The following CPNE5 variants were observed in gnomAD, a reference collection of about 807,000 sequenced individuals.
CPNE5 encodes the protein copine 5, also known as copine-5.
CPNE5 carries 42 observed loss-of-function variants against 81.1 expected under a neutral mutation model. That is an observed-to-expected ratio of 0.52 (90% confidence interval 0.40 to 0.67). CPNE5 has a LOEUF of 0.67. CPNE5 is among the 30% of genes least tolerant of loss of function. The probability of loss-of-function intolerance (pLI) is 0.00; values close to 1 mark genes in which losing one functional copy is unlikely to be tolerated. For synonymous variants in CPNE5, 313 were observed against 321.5 expected (o/e 0.97, Z 0.28); for missense variants, 612 against 815.5 (o/e 0.75, Z 3.04).
rs375106654 is a variant in CPNE5, at chr6:36,742,354, G to A, written c.1696C>T (p.Arg566Cys). The change falls in exon 21 of 21, where the codon CGT becomes TGT. Residue 566 changes from arginine (R) to cysteine (C), a missense_variant. Arg to Cys is a radical substitution (Grantham distance 180). Coordinates refer to ENST00000244751, the MANE Select transcript of CPNE5 (RefSeq NM_020939.2). ...SYMKAQGIRP[R>C]PPPAAPTHSP... ...TGGGTTGGTGCTGCGGGTGGGGGAC[G>A]CGGGCGAATGCCCTGTGCCTTCATG... 1.5e-5 allele frequency: 25 copies of A among 1,613,072 alleles called. No homozygotes were observed. In the East Asian group the frequency reaches 3.6e-4, roughly 23 times the overall value.
chr6:36,813,671 A>G (rs1197824029), intron 3 of CPNE5, among the ~76,000 whole-genome samples: 1 of 152,130 alleles, frequency 6.6e-6, no homozygotes, highest in African/African-American at 2.4e-5. Context: ...TTAATTGTTC[A>G]CACCACTCAA....
chr6:36,837,270 C>T (rs1412830641), intron 1 of CPNE5, among the ~76,000 whole-genome samples: 3 of 152,260 alleles, frequency 2.0e-5, no homozygotes, highest in Admixed American at 6.5e-5. Context: ...CATGAGCTAC[C>T]TTGGTGAACA....
intron 1 of CPNE5, among the ~76,000 whole-genome samples, 180 bp from the exon 2 acceptor site, chr6:36,823,278 T>C (rs1387485859): frequency 6.6e-6 from 1 of 152,076 alleles, no homozygotes; most frequent in Non-Finnish European, 1.5e-5. Context: ...TGGAGGTTCC[T>C]CAGCCCACCT....
intron 12 of CPNE5, among the ~76,000 whole-genome samples, chr6:36,758,155 A>G (rs1474437993): frequency 6.6e-6 from 1 of 152,216 alleles, no homozygotes; most frequent in African/African-American, 2.4e-5. Context: ...AATGTGCCTC[A>G]GTCTCCTCAT....
chr6:36,798,172 G>A lies in CPNE5; in HGVS notation c.397C>T (p.Pro133Ser). 6.2e-7 allele frequency: 1 copy of A among 1,613,614 alleles called. No individual in the cohort carries two copies. Among genetic ancestry groups the A allele is most frequent in the Non-Finnish European group, 8.5e-7 (1 of 1,179,778 alleles). ...VGSPGSRLEKPLTIGAFSLNS... is the reference protein window; with the variant it reads ...VGSPGSRLEKSLTIGAFSLNS... ...AGCAACCCAGACACTCACGTGAGGG[G>A]CTTTTCCAGGCGGCTCCCAGGGGAC... The change falls in exon 6 of 21, where the codon CCC becomes TCC. Residue 133 changes from proline (P) to serine (S), a missense_variant. Coordinates refer to ENST00000244751, the MANE Select transcript of CPNE5 (RefSeq NM_020939.2).
chr6:36,832,212 A>C (rs1016902621), intron 1 of CPNE5, among the ~76,000 whole-genome samples: 1 of 152,150 alleles, frequency 6.6e-6, no homozygotes, highest in African/African-American at 2.4e-5. Flanking sequence ...CAGAGATGCA[A>C]ATTCTAGGCT....
chr6:36,791,780 G>A (rs1482977821), intron 8 of CPNE5, among the ~76,000 whole-genome samples: 1 of 152,208 alleles, frequency 6.6e-6, no homozygotes, highest in Non-Finnish European at 1.5e-5. Context: ...TGGCATGGGA[G>A]CTAGGGGACG....
At chr6:36,832,385 G>A (rs1487113792) in intron 1 of CPNE5, among the ~76,000 whole-genome samples, 1 of 152,188 alleles carries the variant, frequency 6.6e-6, no homozygotes, top group Non-Finnish European at 1.5e-5. Flanking sequence ...GTCTAGGAGT[G>A]CACATGAGAC....
Position 36,743,577 on chromosome 6 carries a change from A to C in CPNE5, c.1563+112T>G, listed in dbSNP as rs1047298159. 2.9e-6 allele frequency: 3 copies of C among 1,040,216 alleles called. No homozygotes were observed. The African/African-American group carries it at 4.7e-5, about 16-fold the overall frequency. The allele number at this position is 1,040,216 out of a possible 1,614,324, so 64.4% of individuals were successfully genotyped here. ...GTGGCTGGGCCACTTTGGGGCTCCC[A>C]GTGCCTCCCTTCTGGGCCCTTCACC... On this transcript the variant is annotated intron_variant, in intron 20 of 20. Transcript: ENST00000244751.
Position 36,799,968 on chromosome 6 carries a change from G to T in CPNE5, c.286C>A (p.Leu96Ile). 1 of 1,608,522 alleles carries T rather than the reference G, an allele frequency of 6.2e-7. No individual in the cohort carries two copies. ...FEEKQNLRFD[L>I]YDVDSKSPDL... ...TCTTCAGCACCATCTTCCACTTACAGATCAAAACGGAGGTTCTGCTTCTCC... is the reference window on the plus strand; with the variant it reads ...TCTTCAGCACCATCTTCCACTTACATATCAAAACGGAGGTTCTGCTTCTCC... The change falls in exon 4 of 21, where the codon CTA (leucine) becomes ATA (isoleucine). Residue 96 changes from leucine (L) to isoleucine (I), a missense_variant and splice_region_variant. Transcript: ENST00000244751.
At chr6:36,753,370 C>A (rs1765057036) in intron 13 of CPNE5, among the ~76,000 whole-genome samples, 1 of 152,250 alleles carries the variant, frequency 6.6e-6, no homozygotes, top group South Asian at 2.1e-4. Context: ...AGAGCCTGCA[C>A]TCTTGACCTT....
Position 36,788,234 on chromosome 6 carries a change from G to C in CPNE5, c.528+3799C>G, listed in dbSNP as rs192287578. ...TTTTTTGTAGAGATGGTCGGGGGGGGGTCTCACTATGATGTCCAGGCTGGT... is the reference window on the plus strand; with the variant it reads ...TTTTTTGTAGAGATGGTCGGGGGGGCGTCTCACTATGATGTCCAGGCTGGT... On this transcript the variant is annotated intron_variant, in intron 8 of 20. Transcript: ENST00000244751. Among the ~76,000 whole-genome samples, 63 of 151,826 alleles carry C rather than the reference G, an allele frequency of 4.1e-4. 1 individual carries two copies. The East Asian group carries it at 0.011, about 26-fold the overall frequency.
intron 15 of CPNE5, among the ~76,000 whole-genome samples, chr6:36,747,965 T>A (rs1465254046): frequency 6.6e-6 from 1 of 152,112 alleles, no homozygotes; most frequent in African/African-American, 2.4e-5. Flanking sequence ...GTACACACAA[T>A]CCCATTCCCC....
intron 1 of CPNE5, among the ~76,000 whole-genome samples, chr6:36,826,961 C>T (rs972822154): frequency 3.3e-5 from 5 of 152,124 alleles, no homozygotes; most frequent in Non-Finnish European, 5.9e-5. Context: ...CCTGGGACCT[C>T]GTCAGCCTTG....
intron 10 of CPNE5, among the ~76,000 whole-genome samples, chr6:36,768,999 C>T (rs1311042635): frequency 6.6e-6 from 1 of 152,224 alleles, no homozygotes; most frequent in African/African-American, 2.4e-5. Context: ...GCGCTGGACA[C>T]ATGTTGCTCT....
chr6:36,765,432 G>A (rs1394377506), intron 10 of CPNE5, 56 bp from the exon 11 acceptor site: 1 of 1,605,766 alleles, frequency 6.2e-7, no homozygotes, highest in African/African-American at 1.3e-5. Context: ...ACGTGGCTGA[G>A]GATGGGGCCC....
chr6:36,760,827 G>A (rs2150407897), intron 12 of CPNE5, among the ~76,000 whole-genome samples: 1 of 152,270 alleles, frequency 6.6e-6, no homozygotes, highest in South Asian at 2.1e-4. Flanking sequence ...AGGGCCCGAG[G>A]CACAGGTCTT....
intron 3 of CPNE5, among the ~76,000 whole-genome samples, chr6:36,803,987 T>G (rs1020477131): frequency 7.2e-5 from 11 of 152,130 alleles, no homozygotes; most frequent in Non-Finnish European, 1.3e-4. Flanking sequence ...AAACTAACAT[T>G]TACTGAGCCC....
rs1371434083 is a variant in CPNE5, at chr6:36,745,498, G to A, written c.1218C>T (p.Asn406=). 1.3e-6 allele frequency: 2 copies of A among 1,599,392 alleles called. No individual in the cohort carries two copies. The highest frequency in any genetic ancestry group is 8.5e-7 in the Non-Finnish European group (1 of 1,173,316). ...HEFPLNGNQE[N]PSCCGIDGIL... ...TGCCGTCGATGCCACAGCATGAGGG[G>A]TTCTCCTGGTTGCCATTCTGGGGGA... The change falls in exon 17 of 21, where the codon AAC becomes AAT. Residue 406 remains asparagine (N), a synonymous_variant. Coordinates refer to ENST00000244751, the MANE Select transcript of CPNE5 (RefSeq NM_020939.2).
Sources: allele counts gnomAD v4.1 joint callset (sites outside exome capture counted in the v4.1 genomes callset), GRCh38; gene constraint gnomAD v4.1.1; transcripts MANE v1.5; gene names NCBI Gene and HGNC (gene_info 2026-07-23, HGNC 2026-07-21).